The following AP3B1 variants were observed in gnomAD, a reference collection of about 807,000 sequenced individuals.
The protein encoded by AP3B1 is AP-3 complex subunit beta-1.
A neutral mutation model predicts 132.5 loss-of-function variants in AP3B1; 61 were observed. The observed-to-expected ratio is 0.46, with a 90% CI of 0.37 to 0.57. The LOEUF (loss-of-function observed/expected upper bound fraction) is 0.57, where lower values mean the gene tolerates loss of function less well. Ranked by LOEUF, AP3B1 falls within the 20% of genes least tolerant of loss-of-function variation. The pLI is 0.00. For synonymous variants in AP3B1, 388 were observed against 438.3 expected (o/e 0.89, Z 1.43); for missense variants, 1,120 against 1,289.4 (o/e 0.87, Z 2.01).
chr5:78,099,010 C>A (rs1420067227), intron 21 of AP3B1, among the ~76,000 whole-genome samples: 2 of 152,214 alleles, frequency 1.3e-5, no homozygotes, highest in Non-Finnish European at 1.5e-5. Context: ...TATGGTGGGG[C>A]CTTTAGTAGG....
intron 15 of AP3B1, among the ~76,000 whole-genome samples, chr5:78,136,997 T>C (rs1752946136): frequency 6.6e-6 from 1 of 152,156 alleles, no homozygotes; most frequent in South Asian, 2.1e-4. Flanking sequence ...GCAGTCTATT[T>C]ACCATATTAT....
chr5:78,087,738 G>A, intron 22 of AP3B1: 1 of 971,748 alleles, frequency 1.0e-6, no homozygotes, highest in Non-Finnish European at 1.2e-6. Flanking sequence ...ACTTTGTGAT[G>A]AATGAAAATT....
At chr5:78,096,499 G>A (rs1750792556) in intron 21 of AP3B1, among the ~76,000 whole-genome samples, 1 of 149,814 alleles carries the variant, frequency 6.7e-6, no homozygotes, top group Admixed American at 6.6e-5. Context: ...GAGCCCCTCT[G>A]CCTGGCTGCC....
chr5:78,215,159 A>G (rs1745904834), intron 7 of AP3B1, among the ~76,000 whole-genome samples: 1 of 152,076 alleles, frequency 6.6e-6, no homozygotes, highest in African/African-American at 2.4e-5. Flanking sequence ...AAGGCCTGTC[A>G]TAAGTATGTA....
At chr5:78,224,186 A>G (rs974000774) in intron 6 of AP3B1, among the ~76,000 whole-genome samples, 1 of 152,084 alleles carries the variant, frequency 6.6e-6, no homozygotes, top group African/African-American at 2.4e-5. Context: ...TCTTTTCTCT[A>G]TCTTCATTTA....
intron 22 of AP3B1, among the ~76,000 whole-genome samples, chr5:78,071,925 T>C (rs780937384): frequency 5.9e-5 from 9 of 152,218 alleles, no homozygotes; most frequent in African/African-American, 1.4e-4. Context: ...CCTAATTTCA[T>C]AGCTAACAGC....
At chr5:78,287,469 A>C (rs1749330455) in intron 1 of AP3B1, among the ~76,000 whole-genome samples, 2 of 152,156 alleles carry the variant, frequency 1.3e-5, no homozygotes, top group African/African-American at 2.4e-5. Context: ...CAATGTAGTA[A>C]AATCTTATTT....
chr5:78,280,762 G>C (rs768853590), intron 1 of AP3B1, among the ~76,000 whole-genome samples: 1 of 152,182 alleles, frequency 6.6e-6, no homozygotes, highest in Non-Finnish European at 1.5e-5. Context: ...ATTCTGTAAA[G>C]GGAATTCAGG....
At chr5:78,211,541 T>C (rs916378887) in intron 7 of AP3B1, among the ~76,000 whole-genome samples, 2 of 152,216 alleles carry the variant, frequency 1.3e-5, no homozygotes, top group African/African-American at 2.4e-5. Flanking sequence ...TCTCAAAAAG[T>C]GTATCTACGA....
At chr5:78,165,588 A>G (rs1416480213) in intron 12 of AP3B1, 22 bp downstream of exon 12, 29 of 1,561,694 alleles carry the variant, frequency 1.9e-5, no homozygotes, top group Non-Finnish European at 2.4e-5. Context: ...GAAGTTTTTT[A>G]TAATTAGCAC....
chr5:78,114,090 GGAT>G (rs1367529077), intron 18 of AP3B1, among the ~76,000 whole-genome samples, 167 bp from the exon 19 acceptor site: 3 of 152,112 alleles, frequency 2.0e-5, no homozygotes, highest in Non-Finnish European at 4.4e-5. Context: ...TCAGCTCTAT[GGAT>G]TCCTTTAGCA....
chr5:78,065,066 G>A (rs1175543571), intron 22 of AP3B1, among the ~76,000 whole-genome samples: 1 of 152,158 alleles, frequency 6.6e-6, no homozygotes, highest in Non-Finnish European at 1.5e-5. Context: ...TAGCAGGGTG[G>A]AGCAACAGCC....
At chr5:78,190,857 A>C (rs1340459525) in intron 7 of AP3B1, among the ~76,000 whole-genome samples, 1 of 152,208 alleles carries the variant, frequency 6.6e-6, no homozygotes, top group Admixed American at 6.5e-5. Context: ...CTATGCCTCA[A>C]ATTCAATATC....
At chr5:78,200,432 C>T (rs1036743830) in intron 7 of AP3B1, among the ~76,000 whole-genome samples, 1 of 151,922 alleles carries the variant, frequency 6.6e-6, no homozygotes, top group Non-Finnish European at 1.5e-5. Context: ...CTGAGGCAGG[C>T]GAATCACTTG....
At chr5:78,149,209 A>G (rs1753542546) in intron 14 of AP3B1, among the ~76,000 whole-genome samples, 1 of 152,222 alleles carries the variant, frequency 6.6e-6, no homozygotes, top group Non-Finnish European at 1.5e-5. Context: ...TATTTGTTAA[A>G]TAAAGTGAAA....
intron 17 of AP3B1, among the ~76,000 whole-genome samples, chr5:78,124,385 A>G (rs890025775): frequency 1.3e-5 from 2 of 152,118 alleles, no homozygotes; most frequent in Admixed American, 6.5e-5. Flanking sequence ...CAAAATCTCC[A>G]TATGATTATA....
chr5:78,087,718 T>C, intron 22 of AP3B1: 1 of 983,586 alleles, frequency 1.0e-6, no homozygotes, highest in Non-Finnish European at 1.2e-6. Context: ...AAAGGGTGAG[T>C]CTGTCAATTA....
At chr5:78,101,134 A>C (rs1178003053) in intron 20 of AP3B1, 109 bp from the exon 21 acceptor site, 6 of 639,520 alleles carry the variant, frequency 9.4e-6, no homozygotes, top group Non-Finnish European at 1.4e-5. Context: ...AGTGGTACCA[A>C]CAAATTAAAC....
intron 17 of AP3B1, among the ~76,000 whole-genome samples, chr5:78,123,244 C>G (rs149120405): frequency 0.17 from 26,030 of 152,124 alleles, 2,833 homozygotes; most frequent in Admixed American, 0.28. Context: ...CATAAAAACC[C>G]TAGAAGAAAA....
Sources: gnomAD v4.1 joint callset for allele counts (sites outside exome capture counted in the v4.1 genomes callset) on GRCh38, gnomAD v4.1.1 for gene constraint, MANE v1.5 for transcripts, NCBI Gene and HGNC (gene_info 2026-07-23, HGNC 2026-07-21) for gene names.